Variants in CATSPERE observed in about 807,000 individuals in gnomAD.
CATSPERE encodes catsper channel auxiliary subunit epsilon.
In CATSPERE, 93 loss-of-function variants were observed where a neutral mutation model predicts 114.1. That is an observed-to-expected ratio of 0.81 (90% confidence interval 0.69 to 0.97). CATSPERE has a LOEUF of 0.97. Among genes scored for constraint, CATSPERE ranks in the 50% least tolerant of loss-of-function variants. The pLI, the probability that CATSPERE is intolerant of heterozygous loss-of-function variation, is 0.00. For synonymous variants in CATSPERE, 341 were observed against 384.1 expected (o/e 0.89, Z 1.31); for missense variants, 1,058 against 1,131.6 (o/e 0.93, Z 0.93).
intron 5 of CATSPERE, among the ~76,000 whole-genome samples, chr1:244,484,428 C>T (rs1460285290): frequency 6.6e-6 from 1 of 152,200 alleles, no homozygotes; most frequent in East Asian, 1.9e-4. Context: ...AGGACATGAA[C>T]CAGTAACAAC....
chr1:244,451,996 C>A (rs1665640268), upstream of CATSPERE: 2 of 592,460 alleles, frequency 3.4e-6, no homozygotes, highest in South Asian at 2.6e-5. This position sits in a 1 kb window ranked among gnomAD's most constrained non-coding sequence, Gnocchi z 6.6. Context: ...CGCCACAGCC[C>A]GCTCAAGGGG....
chr1:244,460,875 G>A (rs1238483782), upstream of CATSPERE, among the ~76,000 whole-genome samples: 1 of 152,224 alleles, frequency 6.6e-6, no homozygotes, highest in Non-Finnish European at 1.5e-5. Context: ...GCCAGATCGC[G>A]CCACTGCACT....
intron 8 of CATSPERE, among the ~76,000 whole-genome samples, chr1:244,521,343 G>C (rs576192509): frequency 6.6e-6 from 1 of 152,148 alleles, no homozygotes; most frequent in Admixed American, 6.5e-5. Flanking sequence ...AATAGAGTGA[G>C]ACCTTGTCTC....
At chr1:244,566,447 G>A (rs377251403) in intron 10 of CATSPERE, among the ~76,000 whole-genome samples, 1 of 151,956 alleles carries the variant, frequency 6.6e-6, no homozygotes, top group Admixed American at 6.6e-5. Flanking sequence ...CACTATTATT[G>A]TGTGGGAGTC....
chr1:244,609,224 G>A (rs899073873), intron 18 of CATSPERE, among the ~76,000 whole-genome samples: 1 of 152,068 alleles, frequency 6.6e-6, no homozygotes, highest in Middle Eastern at 3.4e-3. Flanking sequence ...AGAAAATTAT[G>A]AATAGATAGA....
In CATSPERE at chr1:244,563,406, C is replaced by T. The variant is rs1572769363; in HGVS notation, c.1507+2261C>T. Reference sequence around the variant, plus strand: ...ACAGTGTAAAAGCATTCCTATTTCTCCACGTCCTCTCCAGCATCTGTTGTT... The same window carrying T: ...ACAGTGTAAAAGCATTCCTATTTCTTCACGTCCTCTCCAGCATCTGTTGTT... On this transcript the variant is annotated intron_variant, in intron 10 of 21. Coordinates refer to ENST00000366534, the MANE Select transcript of CATSPERE (RefSeq NM_001130957.2). 2.0e-5 allele frequency among the ~76,000 whole-genome samples: 3 copies of T among 152,322 alleles called. No homozygotes were observed. The East Asian group carries it at 5.8e-4, about 29-fold the overall frequency.
chr1:244,628,962 T>C (rs1673550017), intron 20 of CATSPERE, among the ~76,000 whole-genome samples: 1 of 152,240 alleles, frequency 6.6e-6, no homozygotes, highest in East Asian at 1.9e-4. Context: ...CACTTCTGAC[T>C]TCCTGGTGTT....
At chr1:244,613,275 T>C (rs1463788943) in intron 19 of CATSPERE, among the ~76,000 whole-genome samples, 1 of 152,206 alleles carries the variant, frequency 6.6e-6, no homozygotes, top group African/African-American at 2.4e-5. Flanking sequence ...ATATTTTGTA[T>C]TTTCAAGTGG....
chr1:244,471,954 T>TACAACTCTGGCTGAAGAAGAGGATCAGTG (rs1668538329), intron 2 of CATSPERE, among the ~76,000 whole-genome samples: 1 of 152,054 alleles, frequency 6.6e-6, no homozygotes, highest in Non-Finnish European at 1.5e-5. Context: ...ACACAACAGT[T>TACAACTCTGGCTGAAGAAGAGGATCAGTG]TTCTTCTTTT....
chr1:244,621,098 A>ATAGATATATT (rs1366323742), intron 20 of CATSPERE, among the ~76,000 whole-genome samples: 14 of 69,544 alleles, frequency 2.0e-4, no homozygotes, highest in African/African-American at 6.3e-4. Context: ...TATATAAAAT[A>ATAGATATATT]TATATAAATA....
At chr1:244,471,082 C>T (rs1668405360) in intron 2 of CATSPERE, among the ~76,000 whole-genome samples, 1 of 152,038 alleles carries the variant, frequency 6.6e-6, no homozygotes, top group African/African-American at 2.4e-5. Context: ...GTTCTAAAAT[C>T]GATTACAGTA....
chr1:244,573,409 T>G lies in CATSPERE; in HGVS notation c.1950+637T>G, dbSNP rs1453145012. Among the ~76,000 whole-genome samples the G allele has an allele frequency of 8.1e-6, 1 of 122,834 alleles. No homozygotes were observed. The highest frequency in any genetic ancestry group is 3.4e-5 in the African/African-American group (1 of 29,236). The allele number at this position is 122,834 out of a possible 152,430, so 80.6% of individuals were successfully genotyped here. A position where few individuals can be genotyped will look rare whatever the true frequency, so the allele number is the denominator to read the frequency against. On this transcript the variant is annotated intron_variant, in intron 11 of 21. Transcript: ENST00000366534. The surrounding 1 kb of genome is among the most constrained non-coding windows in gnomAD (Gnocchi z 4.0). ...CTGGGTGACAGAGTGAGACTCCCTCTCAAAAAACAAAACAAAACAAAACAA... is the reference window on the plus strand; with the variant it reads ...CTGGGTGACAGAGTGAGACTCCCTCGCAAAAAACAAAACAAAACAAAACAA...
At chr1:244,599,954 AT>A (rs1318501612) in intron 17 of CATSPERE, among the ~76,000 whole-genome samples, 1 of 152,130 alleles carries the variant, frequency 6.6e-6, no homozygotes, top group East Asian at 1.9e-4. Context: ...TATGACCTGG[AT>A]TTTTTTAAAG....
At chr1:244,572,820 A>C in intron 11 of CATSPERE, 48 bp downstream of exon 11, 1 of 1,233,904 alleles carries the variant, frequency 8.1e-7, no homozygotes, top group Non-Finnish European at 1.1e-6. Context: ...TAAGTATAAA[A>C]GTATAATATT....
chr1:244,618,269 T>C (rs1391091888), intron 20 of CATSPERE, among the ~76,000 whole-genome samples: 2 of 152,220 alleles, frequency 1.3e-5, no homozygotes, highest in East Asian at 1.9e-4. Flanking sequence ...GGTTAGCATA[T>C]TGTCTATGGC....
intron 5 of CATSPERE, among the ~76,000 whole-genome samples, chr1:244,489,057 G>A (rs1004515377): frequency 2.2e-4 from 33 of 152,128 alleles, no homozygotes; most frequent in African/African-American, 7.5e-4. Flanking sequence ...AAAATATGCA[G>A]GTAACTTTAC....
In CATSPERE at chr1:244,579,587, C is replaced by A. The variant is rs187260665; in HGVS notation, c.1951-2209C>A. ...CATATATAAGTGTACTTGCATAGTT[C>A]AAACATGTGTTGTTCAAGGGTCTAC... On this transcript the variant is annotated intron_variant, in intron 11 of 21. Coordinates refer to ENST00000366534, the MANE Select transcript of CATSPERE (RefSeq NM_001130957.2). Among the ~76,000 whole-genome samples the A allele has an allele frequency of 6.0e-3, 912 of 152,210 alleles. 5 individuals are homozygous for A. Among genetic ancestry groups the A allele is most frequent in the Non-Finnish European group, 9.7e-3 (663 of 68,028 alleles).
At chr1:244,502,828 A>C (rs775411566) in intron 7 of CATSPERE, among the ~76,000 whole-genome samples, 1 of 152,136 alleles carries the variant, frequency 6.6e-6, no homozygotes, top group Non-Finnish European at 1.5e-5. Context: ...AGCCATGTAG[A>C]ATAGGTTTGA....
chr1:244,511,244 T>G (rs1675707877), intron 7 of CATSPERE, among the ~76,000 whole-genome samples: 1 of 152,222 alleles, frequency 6.6e-6, no homozygotes, highest in Non-Finnish European at 1.5e-5. Context: ...GGTTTTTGAC[T>G]TAAAGTCTGT....
Sources: allele counts gnomAD v4.1 joint callset (sites outside exome capture counted in the v4.1 genomes callset), GRCh38; gene constraint gnomAD v4.1.1; non-coding constraint Gnocchi (gnomAD v3.1); transcripts MANE v1.5; gene names NCBI Gene and HGNC (gene_info 2026-07-23, HGNC 2026-07-21).